Variants in DDX10 observed in about 807,000 individuals in gnomAD.
The protein encoded by DDX10 is probable ATP-dependent RNA helicase DDX10.
Under a neutral mutation model 104.3 loss-of-function variants are expected in DDX10, and 74 were observed. That is an observed-to-expected ratio of 0.71 (90% CI 0.59 to 0.86). The LOEUF is 0.86. DDX10 is among the 40% of genes least tolerant of loss of function. The probability of loss-of-function intolerance (pLI) is 0.00; values close to 1 mark genes in which losing one functional copy is unlikely to be tolerated. For missense variants in DDX10, 952 were observed against 1,040.0 expected (o/e 0.92, Z 1.16); for synonymous variants, 351 against 353.4 (o/e 0.99, Z 0.08).
chr11:108,868,731 C>T (rs978144420), intron 16 of DDX10, among the ~76,000 whole-genome samples: 2 of 152,024 alleles, frequency 1.3e-5, no homozygotes, highest in South Asian at 4.1e-4. Flanking sequence ...AACAAAAGTC[C>T]TTGAATTTGT....
chr11:108,767,982 C>T (rs2094358223), intron 13 of DDX10: 1 of 152,206 alleles, frequency 6.6e-6, no homozygotes, highest in African/African-American at 2.4e-5. Flanking sequence ...TTATAATGAT[C>T]CACTTCCACT....
intron 15 of DDX10, among the ~76,000 whole-genome samples, chr11:108,850,895 A>G (rs937114567): frequency 6.6e-6 from 1 of 152,132 alleles, no homozygotes; most frequent in Non-Finnish European, 1.5e-5. Context: ...TCCATTTTTC[A>G]TCTATAGAAT....
chr11:108,880,895 A>C (rs1214138895), intron 16 of DDX10, among the ~76,000 whole-genome samples: 3 of 152,118 alleles, frequency 2.0e-5, no homozygotes, highest in Non-Finnish European at 4.4e-5. Flanking sequence ...ATTGACCATG[A>C]ATTTTTTATT....
chr11:108,836,957 CCT>C (rs1364709881), intron 13 of DDX10, among the ~76,000 whole-genome samples: 3 of 152,180 alleles, frequency 2.0e-5, no homozygotes, highest in Non-Finnish European at 4.4e-5. Flanking sequence ...ATTGGTCCCT[CCT>C]CTCTTTTCCT....
At chr11:108,699,729 A>T (rs1358363752) in intron 9 of DDX10, among the ~76,000 whole-genome samples, 1 of 152,160 alleles carries the variant, frequency 6.6e-6, no homozygotes, top group Non-Finnish European at 1.5e-5. Flanking sequence ...GGTGCAGATT[A>T]TTGGGAGTTG....
At chr11:108,839,301 C>G (rs573574084) in intron 14 of DDX10, among the ~76,000 whole-genome samples, 1 of 152,290 alleles carries the variant, frequency 6.6e-6, no homozygotes, top group East Asian at 1.9e-4. Context: ...TAGCACAGAG[C>G]ACCTTACCTC....
chr11:108,830,763 G>C lies in DDX10; in HGVS notation c.1966-7683G>C, dbSNP rs539630889. Among the ~76,000 whole-genome samples, 48 of 152,224 alleles carry C rather than the reference G, an allele frequency of 3.2e-4. 1 individual carries two copies. The South Asian group carries it at 8.7e-3, about 28-fold the overall frequency. On this transcript the variant is annotated intron_variant, in intron 13 of 17. Transcript: ENST00000322536. ...GTGCTTAGGATTTTCATCATAAAGG[G>C]GTGATGGATTTTGTCAAATGCTTTT...
intron 16 of DDX10, among the ~76,000 whole-genome samples, chr11:108,880,252 A>G (rs1279381964): frequency 6.6e-6 from 1 of 152,072 alleles, no homozygotes; most frequent in African/African-American, 2.4e-5. Context: ...GTAGAATGAT[A>G]CTGATCTGGT....
At chr11:108,786,484 TGTAA>T (rs1298364146) in intron 13 of DDX10, among the ~76,000 whole-genome samples, 2 of 152,148 alleles carry the variant, frequency 1.3e-5, no homozygotes, top group African/African-American at 4.8e-5. Context: ...ATAATGGCGG[TGTAA>T]GTGTTTTCGT....
chr11:108,777,483 T>G lies in DDX10; in HGVS notation c.1965+54021T>G, dbSNP rs1157618252. Among the ~76,000 whole-genome samples, 4 of 152,134 alleles carry G rather than the reference T, an allele frequency of 2.6e-5. No homozygotes were observed. In the East Asian group the frequency reaches 5.8e-4, roughly 22 times the overall value. ...GATTACAGGCGCGTGCCACTGCATC[T>G]GGATAAGTTTTGTGTTTTTAGTAGA... On this transcript the variant is annotated intron_variant, in intron 13 of 17. Coordinates refer to ENST00000322536, the MANE Select transcript of DDX10 (RefSeq NM_004398.4).
intron 13 of DDX10, among the ~76,000 whole-genome samples, chr11:108,750,086 G>T (rs2094336513): frequency 6.6e-6 from 1 of 152,020 alleles, no homozygotes; most frequent in Non-Finnish European, 1.5e-5. Context: ...AGCTGGTGCT[G>T]CAAGGAAAAA....
chr11:108,855,978 A>AT (rs1315964629), intron 16 of DDX10, among the ~76,000 whole-genome samples: 1 of 152,048 alleles, frequency 6.6e-6, no homozygotes, highest in African/African-American at 2.4e-5. Context: ...ACTTGTTTTT[A>AT]TTTTTTGGTT....
At chr11:108,735,548 T>C (rs1465322043) in intron 13 of DDX10, among the ~76,000 whole-genome samples, 6 of 152,144 alleles carry the variant, frequency 3.9e-5, no homozygotes, top group Non-Finnish European at 8.8e-5. Context: ...TCATGAACTT[T>C]AGAGGTTTTA....
intron 12 of DDX10, among the ~76,000 whole-genome samples, chr11:108,720,380 A>G (rs1163179732): frequency 6.6e-6 from 1 of 152,144 alleles, no homozygotes; most frequent in Non-Finnish European, 1.5e-5. Context: ...CTGGATTACC[A>G]TAGACATTTT....
At position 108,838,622 on chromosome 11, in the gene DDX10, G is replaced by A. The variant is rs372581151; in HGVS notation, c.2085+57G>A. 1.3e-4 allele frequency: 197 copies of A among 1,538,910 alleles called. 5 individuals are homozygous for A. In the East Asian group the frequency reaches 1.7e-3, roughly 13 times the overall value. Reference sequence around the variant, plus strand: ...TGCATTTGGAGTATTAGAAGAGATCGACTCTCTCTTACTTAGCACTCATTA... The same window carrying A: ...TGCATTTGGAGTATTAGAAGAGATCAACTCTCTCTTACTTAGCACTCATTA... On this transcript the variant is annotated intron_variant, in intron 14 of 17. Coordinates refer to ENST00000322536, the MANE Select transcript of DDX10 (RefSeq NM_004398.4).
At chr11:108,811,631 A>G (rs1022483167) in intron 13 of DDX10, among the ~76,000 whole-genome samples, 2 of 152,228 alleles carry the variant, frequency 1.3e-5, no homozygotes, top group African/African-American at 2.4e-5. Context: ...CTTGTTGAAC[A>G]TAATGTTATA....
chr11:108,775,272 G>A (rs1591815076), intron 13 of DDX10, among the ~76,000 whole-genome samples: 1 of 152,128 alleles, frequency 6.6e-6, no homozygotes, highest in African/African-American at 2.4e-5. Context: ...ATTTTGCTCT[G>A]CATACTGACT....
chr11:108,889,002 T>C (rs955289266), intron 16 of DDX10, among the ~76,000 whole-genome samples: 3 of 152,140 alleles, frequency 2.0e-5, no homozygotes, highest in African/African-American at 7.2e-5. Context: ...TTTTATAAAA[T>C]AGAAATAAAG....
intron 13 of DDX10, among the ~76,000 whole-genome samples, chr11:108,749,164 T>A (rs2094335410): frequency 1.3e-5 from 2 of 152,040 alleles, no homozygotes; most frequent in African/African-American, 4.8e-5. Flanking sequence ...CCTCCCAAGC[T>A]GCTGGGATTA....
Sources: allele counts gnomAD v4.1 joint callset (sites outside exome capture counted in the v4.1 genomes callset), GRCh38; gene constraint gnomAD v4.1.1; transcripts MANE v1.5; gene names NCBI Gene and HGNC (gene_info 2026-07-23, HGNC 2026-07-21).